FRMD4A: variants seen among roughly 807,000 people sequenced by gnomAD.
FRMD4A encodes FERM domain containing 4A.
FRMD4A carries 29 observed loss-of-function variants against 129.1 expected under a neutral mutation model. The observed-to-expected ratio is 0.22, with a 90% confidence interval of 0.17 to 0.31. The LOEUF is 0.31. Among genes scored for constraint, FRMD4A ranks in the 10% least tolerant of loss-of-function variants. The pLI is 1.00. For synonymous variants in FRMD4A, 634 were observed against 571.6 expected (o/e 1.11, Z -1.56); for missense variants, 1,272 against 1,375.8 (o/e 0.92, Z 1.19).
intron 2 of FRMD4A, among the ~76,000 whole-genome samples, chr10:14,107,459 A>T (rs531912958): frequency 6.6e-6 from 1 of 152,326 alleles, no homozygotes; most frequent in African/African-American, 2.4e-5. Context: ...AAAAATATTT[A>T]GGAGTTGTTT....
intron 2 of FRMD4A, among the ~76,000 whole-genome samples, chr10:13,982,927 T>A (rs2095567436): frequency 6.6e-6 from 1 of 152,216 alleles, no homozygotes; most frequent in Non-Finnish European, 1.5e-5. Flanking sequence ...AGTCCCTCTA[T>A]TTGCAGGTCC....
At chr10:14,127,980 T>TTTCTTTC (rs1564319427) in intron 2 of FRMD4A, among the ~76,000 whole-genome samples, 22 of 19,380 alleles carry the variant, frequency 1.1e-3, no homozygotes, top group South Asian at 2.0e-3. Flanking sequence ...CTTTCTTTCC[T>TTTCTTTC]TCTCTCTCTC....
intron 12 of FRMD4A, chr10:13,710,593 C>G (rs1223368675): frequency 6.6e-6 from 1 of 152,220 alleles, no homozygotes; most frequent in Non-Finnish European, 1.5e-5. Context: ...ACAATGGATT[C>G]CCCCTGATGC....
chr10:13,951,846 C>T (rs1343850727), intron 2 of FRMD4A, among the ~76,000 whole-genome samples: 3 of 151,038 alleles, frequency 2.0e-5, no homozygotes, highest in Non-Finnish European at 4.4e-5. Flanking sequence ...GCTGAGACTG[C>T]ATCACTGCAC....
intron 2 of FRMD4A, among the ~76,000 whole-genome samples, chr10:14,164,340 G>T (rs972090861): frequency 5.9e-5 from 9 of 152,210 alleles, no homozygotes; most frequent in African/African-American, 2.2e-4. Context: ...GCCTATGCCT[G>T]AGCCCTGTGC....
chr10:14,294,314 G>A (rs188504006), intron 2 of FRMD4A, among the ~76,000 whole-genome samples: 1 of 152,128 alleles, frequency 6.6e-6, no homozygotes, highest in Non-Finnish European at 1.5e-5. Context: ...AAAACTCAAG[G>A]TCTCACAGAC....
chr10:13,666,565 G>T (rs1004249175), intron 17 of FRMD4A, among the ~76,000 whole-genome samples: 3 of 152,204 alleles, frequency 2.0e-5, no homozygotes, highest in Admixed American at 6.5e-5. Context: ...TGAGAACAGA[G>T]TTCCCACGAT....
At chr10:14,226,189 G>A (rs1843429719) in intron 2 of FRMD4A, among the ~76,000 whole-genome samples, 1 of 152,080 alleles carries the variant, frequency 6.6e-6, no homozygotes, top group Non-Finnish European at 1.5e-5. Flanking sequence ...ATGTGCCATG[G>A]TGGTTTGCTG....
At chr10:13,898,234 G>A (rs11258714) in intron 2 of FRMD4A, among the ~76,000 whole-genome samples, 34,928 of 152,014 alleles carry the variant, frequency 0.23, 4,167 homozygotes, top group Middle Eastern at 0.34. Flanking sequence ...TCAGCTGGGT[G>A]TGGTGGGGCG....
At chr10:14,168,786 C>A (rs565340512) in intron 2 of FRMD4A, among the ~76,000 whole-genome samples, 1 of 152,092 alleles carries the variant, frequency 6.6e-6, no homozygotes, top group African/African-American at 2.4e-5. Context: ...ACATGTTATA[C>A]AGAAAAAAAC....
intron 4 of FRMD4A, among the ~76,000 whole-genome samples, chr10:13,799,975 C>T (rs990636662): frequency 2.0e-5 from 3 of 151,666 alleles, no homozygotes; most frequent in African/African-American, 7.3e-5. Flanking sequence ...GTCAGGAGTT[C>T]GAGACCAGCC....
chr10:13,677,239 A>T lies in FRMD4A; in HGVS notation c.1118-2195T>A, dbSNP rs972496337. On this transcript the variant is annotated intron_variant, in intron 15 of 24. Coordinates refer to ENST00000357447, the MANE Select transcript of FRMD4A (RefSeq NM_018027.5). Reference sequence around the variant, plus strand: ...TGGGTTTTGTTCTTTCCCTTGCCTCAATTTGAGCTTGAAATAGAGAATATA... The same window carrying T: ...TGGGTTTTGTTCTTTCCCTTGCCTCTATTTGAGCTTGAAATAGAGAATATA... Among the ~76,000 whole-genome samples the T allele has an allele frequency of 2.6e-5, 4 of 152,192 alleles. 1 individual carries two copies. The highest frequency in any genetic ancestry group is 9.7e-5 in the African/African-American group (4 of 41,450).
At position 14,055,274 on chromosome 10, in the gene FRMD4A, T is replaced by C. The variant is rs533088660; in HGVS notation, c.46-196362A>G. Among the ~76,000 whole-genome samples the C allele has an allele frequency of 2.0e-5, 3 of 152,358 alleles. 1 individual carries two copies. In the South Asian group the frequency reaches 6.2e-4, roughly 32 times the overall value. On this transcript the variant is annotated intron_variant, in intron 2 of 24. Coordinates refer to ENST00000357447, the MANE Select transcript of FRMD4A (RefSeq NM_018027.5). Reference sequence around the variant, plus strand: ...AGGAACTGAGGTTTTCAGGTTACTCTGTATGGATATGCTTTGGTGGATCTG... The same window carrying C: ...AGGAACTGAGGTTTTCAGGTTACTCCGTATGGATATGCTTTGGTGGATCTG...
intron 2 of FRMD4A, among the ~76,000 whole-genome samples, chr10:14,138,689 GGT>G (rs1160714877): frequency 6.6e-6 from 1 of 151,874 alleles, no homozygotes; most frequent in Admixed American, 6.6e-5. Context: ...GAACCCAGGA[GGT>G]GGAGGTTGCA....
chr10:13,730,962 A>G (rs1322981253), intron 12 of FRMD4A, among the ~76,000 whole-genome samples: 1 of 150,970 alleles, frequency 6.6e-6, no homozygotes, highest in African/African-American at 2.4e-5. Context: ...CAGGAGGCAG[A>G]GGTTGCAGTG....
At chr10:13,884,929 A>G (rs776489656) in intron 2 of FRMD4A, among the ~76,000 whole-genome samples, 1 of 152,226 alleles carries the variant, frequency 6.6e-6, no homozygotes, top group Non-Finnish European at 1.5e-5. Flanking sequence ...ATAAGTGAGG[A>G]TGCACCATTT....
chr10:14,085,447 A>T (rs976442580), intron 2 of FRMD4A, among the ~76,000 whole-genome samples: 1 of 152,230 alleles, frequency 6.6e-6, no homozygotes, highest in Admixed American at 6.5e-5. Context: ...TCTCTCCCCA[A>T]TCCACAGCTT....
chr10:14,163,973 C>T (rs1172870129), intron 2 of FRMD4A, among the ~76,000 whole-genome samples: 3 of 152,166 alleles, frequency 2.0e-5, no homozygotes, highest in Admixed American at 1.3e-4. Context: ...GGCGTGGCTA[C>T]CCAGCGCCCT....
intron 15 of FRMD4A, among the ~76,000 whole-genome samples, chr10:13,682,498 T>C (rs2084692910): frequency 3.3e-5 from 1 of 29,864 alleles, no homozygotes; most frequent in East Asian, 3.3e-4. Flanking sequence ...TCTTTCTTTC[T>C]TTTTTTTTTT....
Sources: gnomAD v4.1 joint callset for allele counts (sites outside exome capture counted in the v4.1 genomes callset) on GRCh38, gnomAD v4.1.1 for gene constraint, MANE v1.5 for transcripts, NCBI Gene and HGNC (gene_info 2026-07-23, HGNC 2026-07-21) for gene names.